MDFIC2: variants seen among roughly 807,000 people sequenced by gnomAD.
The protein encoded by MDFIC2 is myoD family inhibitor domain-containing protein 2.
intron 2 of MDFIC2, among the ~76,000 whole-genome samples, chr3:70,231,944 A>T (rs1701563563): frequency 6.6e-6 from 1 of 152,142 alleles, no homozygotes; most frequent in Non-Finnish European, 1.5e-5. Context: ...ACAGTCGTGT[A>T]TTCTTGACAG....
intron 2 of MDFIC2, among the ~76,000 whole-genome samples, chr3:70,253,542 T>C (rs1474872866): frequency 1.3e-5 from 2 of 152,088 alleles, no homozygotes; most frequent in African/African-American, 2.4e-5. Flanking sequence ...CTGAGCAACA[T>C]AGCAAGACCT....
At chr3:70,283,257 A>G (rs1481987934) in intron 2 of MDFIC2, among the ~76,000 whole-genome samples, 1 of 152,086 alleles carries the variant, frequency 6.6e-6, no homozygotes, top group Non-Finnish European at 1.5e-5. Context: ...TTGTAAACTC[A>G]TGCAGTCCTC....
At chr3:70,310,947 G>T (rs1015277179) in intron 2 of MDFIC2, among the ~76,000 whole-genome samples, 1 of 151,920 alleles carries the variant, frequency 6.6e-6, no homozygotes, top group African/African-American at 2.4e-5. Flanking sequence ...ACTCTTTAAG[G>T]CTCAATTTTC....
chr3:70,309,352 A>C (rs1487754996), intron 2 of MDFIC2, among the ~76,000 whole-genome samples: 1 of 152,218 alleles, frequency 6.6e-6, no homozygotes, highest in Non-Finnish European at 1.5e-5. Flanking sequence ...TACTATAAAA[A>C]GCATTGTTGC....
At chr3:70,293,457 A>G (rs1412351818) in intron 2 of MDFIC2, among the ~76,000 whole-genome samples, 2 of 152,088 alleles carry the variant, frequency 1.3e-5, no homozygotes, top group South Asian at 2.1e-4. Context: ...AATATCTTTG[A>G]TTTCTATTAG....
intron 2 of MDFIC2, among the ~76,000 whole-genome samples, chr3:70,249,825 A>C (rs1435067832): frequency 3.3e-5 from 5 of 152,166 alleles, no homozygotes; most frequent in African/African-American, 1.2e-4. Flanking sequence ...GTAACCACTG[A>C]TGCCAGTGGT....
intron 2 of MDFIC2, among the ~76,000 whole-genome samples, chr3:70,296,668 CA>C (rs1280987684): frequency 1.3e-5 from 2 of 152,128 alleles, no homozygotes; most frequent in Non-Finnish European, 2.9e-5. Flanking sequence ...CAATTACCAG[CA>C]AGTCTTGACA....
chr3:70,266,398 A>G (rs1471884580), intron 2 of MDFIC2, among the ~76,000 whole-genome samples: 1 of 151,688 alleles, frequency 6.6e-6, no homozygotes, highest in Non-Finnish European at 1.5e-5. Context: ...CTTATCATAG[A>G]GATATATATT....
intron 3 of MDFIC2, chr3:70,204,374 G>C (rs1223392258): frequency 2.0e-5 from 3 of 152,134 alleles, no homozygotes; most frequent in Non-Finnish European, 2.9e-5. Flanking sequence ...AATGGAGTGA[G>C]TCTGACTTAA....
At chr3:70,283,635 C>G (rs1330775891) in intron 2 of MDFIC2, 1 of 151,974 alleles carries the variant, frequency 6.6e-6, no homozygotes. Flanking sequence ...TAAAGGGATT[C>G]ATGCTGGGGT....
intron 2 of MDFIC2, among the ~76,000 whole-genome samples, chr3:70,267,569 ATT>A (rs147286000): frequency 9.8e-5 from 3 of 30,732 alleles, no homozygotes; most frequent in Non-Finnish European, 2.4e-4. Flanking sequence ...TGCCCGGCTA[ATT>A]TTTTGTATTT....
chr3:70,210,439 A>G (rs1701332067), intron 2 of MDFIC2, among the ~76,000 whole-genome samples: 2 of 152,130 alleles, frequency 1.3e-5, no homozygotes, highest in African/African-American at 4.8e-5. Context: ...GAATTCTGAC[A>G]TCTGAAGTGA....
chr3:70,287,594 C>T (rs1702179352), intron 2 of MDFIC2, among the ~76,000 whole-genome samples: 1 of 151,926 alleles, frequency 6.6e-6, no homozygotes, highest in Admixed American at 6.6e-5. Context: ...GGGAGGATTC[C>T]CTCTTTTTCT....
Position 70,206,477 on chromosome 3 carries a change from CT to C in MDFIC2, c.310+91del, listed in dbSNP as rs994240384. On this transcript the variant is annotated intron_variant, in intron 3 of 3. Coordinates refer to ENST00000567252, the MANE Select transcript of MDFIC2 (RefSeq NM_001364677.1). ...TCTTCGTGTTTAATATTCATAAGGA[CT>C]TTTTTTTTCCTAACAGCATATGTGA... The C allele has an allele frequency of 1.8e-4, 72 of 392,518 alleles. No individual in the cohort carries two copies. The Admixed American group carries it at 1.9e-3, about 10-fold the overall frequency. 24.3% of individuals were successfully genotyped at this position (392,518 alleles called of 1,614,324 possible).
At chr3:70,238,217 A>T (rs777479567) in intron 2 of MDFIC2, among the ~76,000 whole-genome samples, 5 of 151,858 alleles carry the variant, frequency 3.3e-5, no homozygotes, top group Non-Finnish European at 5.9e-5. Flanking sequence ...GACACTTGAA[A>T]TTAGCATACT....
intron 2 of MDFIC2, among the ~76,000 whole-genome samples, chr3:70,273,858 A>G (rs1701997144): frequency 6.6e-6 from 1 of 152,092 alleles, no homozygotes; most frequent in Non-Finnish European, 1.5e-5. Flanking sequence ...GCTGGAGTGC[A>G]GTGGCACAAT....
intron 2 of MDFIC2, among the ~76,000 whole-genome samples, chr3:70,242,751 G>A (rs965522259): frequency 2.6e-5 from 4 of 152,126 alleles, no homozygotes; most frequent in Admixed American, 1.3e-4. Context: ...AGCTGTGCAT[G>A]TACATTTCCT....
At chr3:70,302,392 T>C (rs1702357930) in intron 2 of MDFIC2, among the ~76,000 whole-genome samples, 1 of 152,150 alleles carries the variant, frequency 6.6e-6, no homozygotes, top group African/African-American at 2.4e-5. Flanking sequence ...TATCTCTTTG[T>C]AGAATTTACT....
intron 2 of MDFIC2, among the ~76,000 whole-genome samples, chr3:70,223,281 T>C (rs1216134046): frequency 6.6e-6 from 1 of 152,102 alleles, no homozygotes; most frequent in Non-Finnish European, 1.5e-5. Context: ...TTAGCCAAGG[T>C]CACACAGTCA....
Sources: gnomAD v4.1 joint callset for allele counts (sites outside exome capture counted in the v4.1 genomes callset) on GRCh38, gnomAD v4.1.1 for gene constraint, MANE v1.5 for transcripts, NCBI Gene and HGNC (gene_info 2026-07-23, HGNC 2026-07-21) for gene names.